Variants in PHF12 observed in about 807,000 individuals in gnomAD.
The protein encoded by PHF12 is PHD finger protein 12, also known as PHD factor 1.
A neutral mutation model predicts 99.8 loss-of-function variants in PHF12; 6 were observed. That is an observed-to-expected ratio of 0.06 (90% CI 0.03 to 0.12). The LOEUF is 0.12. Among genes scored for constraint, PHF12 ranks in the 10% least tolerant of loss-of-function variants. PHF12 has a pLI of 1.00. For synonymous variants in PHF12, 480 were observed against 514.9 expected, an observed-to-expected ratio of 0.93 and a Z score of 0.92; for missense variants, 954 against 1,300.1, an observed-to-expected ratio of 0.73 and a Z score of 4.09.
At chr17:28,919,445 T>C (rs74840502) in intron 5 of PHF12, among the ~76,000 whole-genome samples, 170 bp from the exon 6 acceptor site, 2,480 of 152,260 alleles carry the variant, frequency 0.016, 60 homozygotes, top group African/African-American at 0.056. Context: ...ATTAGAAAGA[T>C]GGATGGGGCT....
Position 28,906,297 on chromosome 17 carries a change from A to T in PHF12, c.2901T>A (p.Phe967Leu), listed in dbSNP as rs1385027434. The change falls in exon 15 of 15, where the codon TTT (phenylalanine) becomes TTA (leucine). Residue 967 changes from phenylalanine (F) to leucine (L), a missense_variant. Phe to Leu is a conservative substitution (Grantham distance 22). Around this residue, in one of 8 missense-constraint regions of PHF12, gnomAD observed 136 missense variants for 172.3 expected, o/e 0.79. Coordinates refer to ENST00000332830, the MANE Select transcript of PHF12 (RefSeq NM_001033561.2). This position sits in a 1 kb window ranked among gnomAD's most constrained non-coding sequence, Gnocchi z 4.2. ...CLQFVFSITEFATKQPKGDAS... is the reference protein window; with the variant it reads ...CLQFVFSITELATKQPKGDAS... Reference sequence around the variant, plus strand: ...CATCGCCTTTGGGCTGTTTGGTCGCAAACTCAGTGATGCTGAAGACAAACT... The same window carrying T: ...CATCGCCTTTGGGCTGTTTGGTCGCTAACTCAGTGATGCTGAAGACAAACT... 1 of 1,614,220 alleles carries T rather than the reference A, an allele frequency of 6.2e-7. No individual in the cohort carries two copies. The highest frequency in any genetic ancestry group is 1.7e-5 in the Admixed American group (1 of 60,030).
chr17:28,908,435 C>G (rs1052082984), intron 12 of PHF12: 1 of 221,750 alleles, frequency 4.5e-6, no homozygotes, highest in Non-Finnish European at 9.2e-6. Flanking sequence ...ATCTTCCCAC[C>G]TCAGCCTCCC....
chr17:28,914,717 C>T (rs1368267455), intron 7 of PHF12, among the ~76,000 whole-genome samples: 1 of 143,840 alleles, frequency 7.0e-6, no homozygotes, highest in Non-Finnish European at 1.5e-5. Context: ...TGACATGAGG[C>T]CTGGCTCATG....
intron 13 of PHF12, 96 bp from the exon 14 acceptor site, chr17:28,907,090 C>A: frequency 7.3e-7 from 1 of 1,372,336 alleles, no homozygotes. Flanking sequence ...TGCTACTCTA[C>A]CTAGAGAGTC....
In PHF12 at chr17:28,908,850, C is replaced by T. The variant is rs1258240573; in HGVS notation, c.2391G>A (p.Val797=). ...VQRKEVQARA[V]FYPLLGLGGA... ...CTCCCAACCCTAAGAGGGGGTAGAA[C>T]ACAGCTCGGGCCTGTACCTCCTTTC... Residue 797 remains valine, a synonymous_variant, in exon 12 of 15, where the codon GTG becomes GTA. Transcript: ENST00000332830. 1 of 1,614,024 alleles carries T rather than the reference C, an allele frequency of 6.2e-7. No homozygotes were observed. The highest frequency in any genetic ancestry group is 8.5e-7 in the Non-Finnish European group (1 of 1,180,004).
chr17:28,907,216 T>G (rs1336588935), intron 13 of PHF12: 3 of 554,726 alleles, frequency 5.4e-6, no homozygotes, highest in East Asian at 6.0e-5. Context: ...TCCTTCACTC[T>G]GCCCTCTCAG....
At position 28,906,615 on chromosome 17, in the gene PHF12, C is replaced by T. The variant is rs1045947818; in HGVS notation, c.2681-98G>A. ...GGGCTCCTGCATCTCCCCATTCCAA[C>T]TGCTGCATGACTAGGGAGGAAGGAT... is the stretch of plus-strand genomic sequence containing the variant. On this transcript the variant is annotated intron_variant, in intron 14 of 14. Coordinates refer to ENST00000332830, the MANE Select transcript of PHF12 (RefSeq NM_001033561.2). This position sits in a 1 kb window ranked among gnomAD's most constrained non-coding sequence, Gnocchi z 4.2. 2 of 1,356,794 alleles carry T rather than the reference C, an allele frequency of 1.5e-6. No individual in the cohort carries two copies. The highest frequency in any genetic ancestry group is 2.9e-5 in the African/African-American group (2 of 68,622). 84.0% of individuals were successfully genotyped at this position (1,356,794 alleles called of 1,614,324 possible).
chr17:28,926,865 A>C, intron 3 of PHF12, 126 bp downstream of exon 3: 1 of 1,562,576 alleles, frequency 6.4e-7, no homozygotes, highest in Non-Finnish European at 8.6e-7. Flanking sequence ...GAGTGGGGTG[A>C]TTCCAGGGCT....
At chr17:28,933,037 T>C (rs1410666234) in intron 2 of PHF12, among the ~76,000 whole-genome samples, 1 of 152,204 alleles carries the variant, frequency 6.6e-6, no homozygotes, top group Non-Finnish European at 1.5e-5. Flanking sequence ...CACCAGAGTC[T>C]TTAAATCATG....
At chr17:28,934,005 C>A (rs76597644) in intron 2 of PHF12, among the ~76,000 whole-genome samples, 2,472 of 152,180 alleles carry the variant, frequency 0.016, 58 homozygotes, top group African/African-American at 0.056. Flanking sequence ...CATGTCCACA[C>A]GACTACACCC....
At chr17:28,911,005 T>A in intron 10 of PHF12, 107 bp downstream of exon 10, 2 of 1,497,094 alleles carry the variant, frequency 1.3e-6, no homozygotes. Flanking sequence ...CCTAGGCCTC[T>A]GGGATCAGGT....
intron 2 of PHF12, among the ~76,000 whole-genome samples, chr17:28,939,727 T>C (rs2040578827): frequency 6.6e-6 from 1 of 152,212 alleles, no homozygotes. Context: ...AAAAATAATA[T>C]TCAACATCCC....
intron 7 of PHF12, among the ~76,000 whole-genome samples, chr17:28,916,256 G>A (rs556994709): frequency 1.3e-5 from 2 of 152,228 alleles, no homozygotes; most frequent in South Asian, 2.1e-4. Context: ...GTGCAATGGC[G>A]CGATCTCGGC....
At chr17:28,914,095 G>A in intron 7 of PHF12, 58 bp from the exon 8 acceptor site, 1 of 1,517,788 alleles carries the variant, frequency 6.6e-7, no homozygotes, top group Non-Finnish European at 9.0e-7. Context: ...ATGTCTAGTT[G>A]ATTCTGCCCT....
At position 28,910,352 on chromosome 17, in the gene PHF12, G is replaced by A. The variant is rs764540089; in HGVS notation, c.2233C>T (p.Leu745=). 1 of 1,612,328 alleles carries A rather than the reference G, an allele frequency of 6.2e-7. No homozygotes were observed. The highest frequency in any genetic ancestry group is 1.3e-5 in the African/African-American group (1 of 74,900). ...AGAAACTTGATCAGCTTCTCGTCCA[G>A]CATATTTATCTCGATTTCTATTAGC... is the stretch of plus-strand genomic sequence containing the variant. ...DVNGEIEINM[L]DEKLIKFLAL... Residue 745 remains leucine (L), a synonymous_variant, in exon 11 of 15, where the codon CTG becomes TTG. Coordinates refer to ENST00000332830, the MANE Select transcript of PHF12 (RefSeq NM_001033561.2).
intron 3 of PHF12, chr17:28,925,009 G>A (rs1028747291): frequency 1.3e-5 from 2 of 151,558 alleles, no homozygotes; most frequent in Non-Finnish European, 2.9e-5. Context: ...CCTCCTGAAT[G>A]GTTTTAAAAA....
At chr17:28,948,708 C>T (rs1013236811) in intron 2 of PHF12, among the ~76,000 whole-genome samples, 2 of 152,076 alleles carry the variant, frequency 1.3e-5, no homozygotes, top group African/African-American at 4.8e-5. Context: ...AGAGATGGAA[C>T]GTGAATGGAA....
At chr17:28,945,263 AC>A (rs1279180983) in intron 2 of PHF12, 11 of 152,136 alleles carry the variant, frequency 7.2e-5, no homozygotes, top group African/African-American at 2.7e-4. Context: ...CCCACTTCAA[AC>A]ATCAAACATT....
intron 2 of PHF12, chr17:28,945,037 G>A (rs1464466443): frequency 2.6e-5 from 4 of 152,188 alleles, no homozygotes; most frequent in Non-Finnish European, 5.9e-5. Context: ...CACTTTGTGA[G>A]GCCAAGGTGA....
Sources: allele counts gnomAD v4.1 joint callset (sites outside exome capture counted in the v4.1 genomes callset), GRCh38; gene constraint gnomAD v4.1.1; regional missense constraint gnomAD v4.1.1; non-coding constraint Gnocchi (gnomAD v3.1); transcripts MANE v1.5; gene names NCBI Gene and HGNC (gene_info 2026-07-23, HGNC 2026-07-21).